The following KL variants were observed in gnomAD, a reference collection of about 807,000 sequenced individuals.
KL encodes the protein klotho.
In KL, 62 loss-of-function variants were observed where a neutral mutation model predicts 84.2. The observed-to-expected ratio is 0.74, with a 90% CI of 0.60 to 0.91. KL has a LOEUF of 0.91. Ranked by LOEUF, KL falls within the 40% of genes least tolerant of loss-of-function variation. The pLI, the probability that KL is intolerant of heterozygous loss-of-function variation, is 0.00. For missense variants in KL, 1,261 were observed against 1,305.7 expected (o/e 0.97, Z 0.53); for synonymous variants, 528 against 528.0 (o/e 1.00, Z 0.00).
Position 33,061,091 on chromosome 13 carries a change from G to T in KL, c.2012G>T (p.Arg671Leu). The T allele has an allele frequency of 6.2e-7, 1 of 1,613,756 alleles. No individual in the cohort carries two copies. Among genetic ancestry groups the T allele is most frequent in the African/African-American group, 1.3e-5 (1 of 75,052 alleles). ...GCCCTGGCCTTTGCAGAGTATGCCCGACTGTGCTTTCAAGAGCTCGGCCAT... is the reference window on the plus strand; with the variant it reads ...GCCCTGGCCTTTGCAGAGTATGCCCTACTGTGCTTTCAAGAGCTCGGCCAT... ...YTALAFAEYA[R>L]LCFQELGHHV... The change falls in exon 4 of 5, where the codon CGA (arginine) becomes CTA (leucine). Residue 671 changes from arginine (R) to leucine (L), a missense_variant. Transcript: ENST00000380099.
intron 1 of KL, among the ~76,000 whole-genome samples, chr13:33,019,172 T>C (rs1210918408): frequency 6.6e-6 from 1 of 152,210 alleles, no homozygotes. Flanking sequence ...ACATTTCTTT[T>C]GGTTTGGTGT....
rs533057487 is a variant in KL at position 33,048,915 on chromosome 13, A to G, written c.820-4852A>G. 5.9e-5 allele frequency among the ~76,000 whole-genome samples: 9 copies of G among 152,316 alleles called. No homozygotes were observed. In the East Asian group the frequency reaches 1.7e-3, roughly 29 times the overall value. On this transcript the variant is annotated intron_variant, in intron 1 of 4. Coordinates refer to ENST00000380099, the MANE Select transcript of KL (RefSeq NM_004795.4). Reference sequence around the variant, plus strand: ...ATTCAGAGTATTTTCCTCGACTTCCAAAATTATTTTCCTCGACTTCCAAAA... The same window carrying G: ...ATTCAGAGTATTTTCCTCGACTTCCGAAATTATTTTCCTCGACTTCCAAAA...
chr13:33,047,693 T>G (rs1871588865), intron 1 of KL, among the ~76,000 whole-genome samples: 1 of 152,230 alleles, frequency 6.6e-6, no homozygotes, highest in Non-Finnish European at 1.5e-5. Context: ...TATTTGAATA[T>G]TTATTGATAT....
chr13:33,051,007 C>T (rs560014), intron 1 of KL, among the ~76,000 whole-genome samples: 46,883 of 152,094 alleles, frequency 0.31, 8,960 homozygotes, highest in Admixed American at 0.45. Context: ...TATGTCACAT[C>T]GCTACTGTGG....
chr13:33,059,392 C>T (rs1872087575), intron 3 of KL, among the ~76,000 whole-genome samples: 1 of 152,026 alleles, frequency 6.6e-6, no homozygotes, highest in South Asian at 2.1e-4. Flanking sequence ...AATTTTTTAA[C>T]TACGTTAAAA....
chr13:33,049,262 A>G (rs946574438), intron 1 of KL, among the ~76,000 whole-genome samples: 1 of 152,218 alleles, frequency 6.6e-6, no homozygotes, highest in African/African-American at 2.4e-5. Flanking sequence ...GCTTCAGCCC[A>G]GAAAAATGTT....
intron 4 of KL, among the ~76,000 whole-genome samples, chr13:33,062,424 G>A (rs1872243768): frequency 6.6e-6 from 1 of 150,418 alleles, no homozygotes; most frequent in African/African-American, 2.4e-5. Flanking sequence ...TGTAATCCCA[G>A]CACTTTGGGA....
Position 33,016,781 on chromosome 13 carries a change from C to A in KL, c.341C>A (p.Pro114Gln), listed in dbSNP as rs765806592. The change falls in exon 1 of 5, where the codon CCG becomes CAG. Residue 114 changes from proline to glutamine, a missense_variant. Physicochemically the swap from Pro to Gln is moderately conservative, Grantham distance 76 (BLOSUM62 -1). Coordinates refer to ENST00000380099, the MANE Select transcript of KL (RefSeq NM_004795.4). ...SRNASLPLGA[P>Q]SPLQPATGDV... ...AACGCCAGTCTGCCGTTGGGCGCCC[C>A]GTCGCCGCTGCAGCCCGCCACCGGG... 3 of 1,611,688 alleles carry A rather than the reference C, an allele frequency of 1.9e-6. No individual in the cohort carries two copies. Among genetic ancestry groups the A allele is most frequent in the Non-Finnish European group, 2.5e-6 (3 of 1,179,490 alleles).
At chr13:33,049,290 T>C (rs1871655983) in intron 1 of KL, among the ~76,000 whole-genome samples, 1 of 152,226 alleles carries the variant, frequency 6.6e-6, no homozygotes, top group African/African-American at 2.4e-5. Flanking sequence ...TCCTAGACCC[T>C]TTGATCTGGT....
At chr13:33,043,524 G>T (rs1365889163) in intron 1 of KL, among the ~76,000 whole-genome samples, 1 of 152,104 alleles carries the variant, frequency 6.6e-6, no homozygotes, top group African/African-American at 2.4e-5. Context: ...CCAGCCTGTT[G>T]CCAGTATTTT....
chr13:33,060,989 T>C lies in KL; in HGVS notation c.1910T>C (p.Leu637Pro), dbSNP rs753213154. Reference sequence around the variant, plus strand: ...GTCAACATCACCCCAGTGGTGGCCCTGTGGCAGCCTATGGCCCCGAACCAA... The same window carrying C: ...GTCAACATCACCCCAGTGGTGGCCCCGTGGCAGCCTATGGCCCCGAACCAA... ...VRVNITPVVA[L>P]WQPMAPNQGL... The change falls in exon 4 of 5, where the codon CTG becomes CCG. Residue 637 changes from leucine (L) to proline (P), a missense_variant. By Grantham distance (98) the Leu-to-Pro change is moderately conservative. Transcript: ENST00000380099. 4 of 1,612,746 alleles carry C rather than the reference T, an allele frequency of 2.5e-6. No individual in the cohort carries two copies. Among genetic ancestry groups the C allele is most frequent in the East Asian group, 4.5e-5 (2 of 44,836 alleles).
intron 2 of KL, 56 bp downstream of exon 2, chr13:33,054,333 C>A (rs1871873781): frequency 7.4e-6 from 11 of 1,479,282 alleles, no homozygotes; most frequent in Non-Finnish European, 9.4e-6. Flanking sequence ...AAAAAAATCT[C>A]TAAGATTATC....
chr13:33,064,083 G>GA lies in KL; in HGVS notation c.2939dup (p.Ser981ValfsTer79). 2 of 1,614,002 alleles carry GA rather than the reference G, an allele frequency of 1.2e-6. No individual in the cohort carries two copies. The highest frequency in any genetic ancestry group is 1.7e-6 in the Non-Finnish European group (2 of 1,179,928). On this transcript the variant is annotated frameshift_variant, in exon 5 of 5. Coordinates refer to ENST00000380099, the MANE Select transcript of KL (RefSeq NM_004795.4). LOFTEE classifies it high-confidence loss of function. Reference sequence around the variant, plus strand: ...ACTGAGTGCAGTTTTTTTCACACCCGAAAGTCTTTACTGGCTTTCATAGCT... The same window carrying GA: ...ACTGAGTGCAGTTTTTTTCACACCCGAAAAGTCTTTACTGGCTTTCATAGCT...
At chr13:33,033,110 C>T (rs146284118) in intron 1 of KL, among the ~76,000 whole-genome samples, 221 of 152,300 alleles carry the variant, frequency 1.5e-3, no homozygotes, top group African/African-American at 5.2e-3. Flanking sequence ...AAATAGCAGT[C>T]CTGAAAAAGT....
At chr13:33,050,722 G>A (rs970035993) in intron 1 of KL, among the ~76,000 whole-genome samples, 7 of 152,296 alleles carry the variant, frequency 4.6e-5, no homozygotes, top group South Asian at 2.1e-4. Flanking sequence ...AATCAAATAA[G>A]TTTCAACAGG....
intron 3 of KL, 61 bp from the exon 4 acceptor site, chr13:33,060,618 G>T (rs1355242425): frequency 6.3e-7 from 1 of 1,589,052 alleles, no homozygotes; most frequent in African/African-American, 1.3e-5. Context: ...TGAAATAATT[G>T]CTTTGAATTA....
chr13:33,037,600 T>C lies in KL; in HGVS notation c.820-16167T>C, dbSNP rs140272036. On this transcript the variant is annotated intron_variant, in intron 1 of 4. Transcript: ENST00000380099. ...CCTCTACTCTAGGTGTCCATTCAGC[T>C]TATCCTTTGACTCTGGCCTTCTTCT... Among the ~76,000 whole-genome samples, 7 of 152,326 alleles carry C rather than the reference T, an allele frequency of 4.6e-5. No individual in the cohort carries two copies. The East Asian group carries it at 1.3e-3, about 29-fold the overall frequency.
At chr13:33,057,073 G>T (rs149934776) in intron 3 of KL, among the ~76,000 whole-genome samples, 3 of 152,026 alleles carry the variant, frequency 2.0e-5, no homozygotes, top group Non-Finnish European at 4.4e-5. Flanking sequence ...GAAGACCTCC[G>T]TAGCCTTCCT....
Position 33,065,929 on chromosome 13 carries a change from T to C in KL, c.*1743T>C. Reference sequence around the variant, plus strand: ...CTTCAAAAGCATGATTTTTAATAGTTGTTGAGTATTCCACCACAGGAATGT... The same window carrying C: ...CTTCAAAAGCATGATTTTTAATAGTCGTTGAGTATTCCACCACAGGAATGT... On this transcript the variant is annotated 3_prime_UTR_variant, in exon 5 of 5. Transcript: ENST00000380099. 5.7e-6 allele frequency: 1 copy of C among 176,552 alleles called. No individual in the cohort carries two copies. Among genetic ancestry groups the C allele is most frequent in the East Asian group, 9.7e-5 (1 of 10,276 alleles). 10.9% of individuals were successfully genotyped at this position (176,552 alleles called of 1,614,324 possible).
Sources: allele counts gnomAD v4.1 joint callset (sites outside exome capture counted in the v4.1 genomes callset), GRCh38; gene constraint gnomAD v4.1.1; transcripts MANE v1.5; gene names NCBI Gene and HGNC (gene_info 2026-07-23, HGNC 2026-07-21).